The following SETBP1 variants were observed in gnomAD, a reference collection of about 807,000 sequenced individuals.
SETBP1 encodes SET binding protein 1, also known as SET-binding protein.
Under a neutral mutation model 101.0 loss-of-function variants are expected in SETBP1, and 9 were observed. That is an observed-to-expected ratio of 0.09 (90% confidence interval 0.05 to 0.16). The LOEUF (loss-of-function observed/expected upper bound fraction) is 0.16. SETBP1 is among the 10% of genes least tolerant of loss of function. SETBP1 has a pLI of 1.00. For missense variants in SETBP1, 1,858 were observed against 2,033.8 expected (o/e 0.91, Z 1.66); for synonymous variants, 818 against 788.5 (o/e 1.04, Z -0.63).
chr18:44,900,746 C>A (rs1242493353), intron 3 of SETBP1, among the ~76,000 whole-genome samples: 1 of 152,128 alleles, frequency 6.6e-6, no homozygotes, highest in Non-Finnish European at 1.5e-5. Context: ...AACCAGCCCT[C>A]CCGGTGATTC....
At chr18:44,837,403 A>T (rs1299616280) in intron 2 of SETBP1, among the ~76,000 whole-genome samples, 2 of 152,268 alleles carry the variant, frequency 1.3e-5, no homozygotes, top group Admixed American at 1.3e-4. Context: ...TCATTTATTT[A>T]AATACCTTTA....
rs370225566 is a variant in SETBP1 at position 44,865,617 on chromosome 18, C to T, written c.487-3613C>T. ...CATCCCTTGGTGTGTAATTTGTAGA[C>T]TTATGGGAAATAATCTGCTTTGAAA... On this transcript the variant is annotated intron_variant, in intron 2 of 5. Transcript: ENST00000649279. Among the ~76,000 whole-genome samples, 4 of 152,266 alleles carry T rather than the reference C, an allele frequency of 2.6e-5. No individual in the cohort carries two copies. In the South Asian group the frequency reaches 8.3e-4, roughly 32 times the overall value.
chr18:44,863,928 G>A (rs2069072226), intron 2 of SETBP1, among the ~76,000 whole-genome samples: 1 of 152,232 alleles, frequency 6.6e-6, no homozygotes, highest in African/African-American at 2.4e-5. Context: ...CTGGCCAGAT[G>A]TTCAGCATGA....
intron 2 of SETBP1, among the ~76,000 whole-genome samples, chr18:44,800,687 A>G (rs961299669): frequency 1.3e-5 from 2 of 152,152 alleles, no homozygotes; most frequent in Admixed American, 1.3e-4. Context: ...AGGAACTGGA[A>G]GATCCATGTA....
At chr18:44,932,098 T>G (rs1339388470) in intron 3 of SETBP1, among the ~76,000 whole-genome samples, 1 of 152,214 alleles carries the variant, frequency 6.6e-6, no homozygotes, top group Non-Finnish European at 1.5e-5. Flanking sequence ...TTTCCATGTT[T>G]AGTGCTTCCT....
At chr18:44,864,070 G>A (rs1229249341) in intron 2 of SETBP1, among the ~76,000 whole-genome samples, 1 of 152,166 alleles carries the variant, frequency 6.6e-6, no homozygotes, top group East Asian at 1.9e-4. Flanking sequence ...TAAAGGGCCA[G>A]CAGAGGGGAC....
At chr18:44,754,719 C>T (rs1305803944) in intron 2 of SETBP1, among the ~76,000 whole-genome samples, 1 of 152,228 alleles carries the variant, frequency 6.6e-6, no homozygotes, top group African/African-American at 2.4e-5. Context: ...TAGACTCTGT[C>T]ACCCACACCA....
At position 45,028,026 on chromosome 18, in the gene SETBP1, T is replaced by C. The variant is rs536289972; in HGVS notation, c.4001-10459T>C. On this transcript the variant is annotated intron_variant, in intron 4 of 5. Transcript: ENST00000649279. ...TTATTTTATTTTATTTTATTATTAT[T>C]ATACTTTAAGTTTTAGGGTACATGT... Among the ~76,000 whole-genome samples, 8 of 152,214 alleles carry C rather than the reference T, an allele frequency of 5.3e-5. No homozygotes were observed. In the South Asian group the frequency reaches 1.7e-3, roughly 32 times the overall value.
intron 5 of SETBP1, among the ~76,000 whole-genome samples, chr18:45,061,502 TCAG>T (rs2073890297): frequency 1.3e-5 from 2 of 152,332 alleles, no homozygotes; most frequent in South Asian, 4.1e-4. Flanking sequence ...TAAAGATCAT[TCAG>T]TAGTTATTCA....
chr18:44,900,084 A>T (rs2070006401), intron 3 of SETBP1, among the ~76,000 whole-genome samples: 1 of 152,180 alleles, frequency 6.6e-6, no homozygotes, highest in Non-Finnish European at 1.5e-5. Context: ...CAATTTGCCA[A>T]CCCCTGGACT....
intron 2 of SETBP1, among the ~76,000 whole-genome samples, chr18:44,776,224 C>T (rs1385971327): frequency 6.6e-6 from 1 of 152,070 alleles, no homozygotes; most frequent in Middle Eastern, 3.2e-3. Context: ...TATTTTCTTC[C>T]CCCCACCTTC....
intron 2 of SETBP1, among the ~76,000 whole-genome samples, chr18:44,705,732 A>G (rs1247825387): frequency 6.6e-6 from 1 of 152,222 alleles, no homozygotes; most frequent in African/African-American, 2.4e-5. Flanking sequence ...CTAGTTATAC[A>G]TGGTCCACTG....
At chr18:44,893,645 T>C (rs567356793) in intron 3 of SETBP1, among the ~76,000 whole-genome samples, 1 of 152,268 alleles carries the variant, frequency 6.6e-6, no homozygotes, top group African/African-American at 2.4e-5. Flanking sequence ...TTTGCTTTTA[T>C]ACAAACTGAG....
intron 2 of SETBP1, among the ~76,000 whole-genome samples, chr18:44,766,167 C>T (rs2070760007): frequency 6.6e-6 from 1 of 152,148 alleles, no homozygotes; most frequent in Admixed American, 6.5e-5. Flanking sequence ...GTAAAGGAGG[C>T]TTACTGTTCA....
chr18:44,804,173 C>T (rs2071676118), intron 2 of SETBP1, among the ~76,000 whole-genome samples: 1 of 152,010 alleles, frequency 6.6e-6, no homozygotes, highest in African/African-American at 2.4e-5. Flanking sequence ...ACAAGTTAAT[C>T]TCTTATGTCT....
intron 2 of SETBP1, among the ~76,000 whole-genome samples, chr18:44,816,716 T>G (rs1475415450): frequency 1.3e-5 from 2 of 152,166 alleles, no homozygotes; most frequent in Non-Finnish European, 2.9e-5. Context: ...AACACCGCAG[T>G]TCAACACCCC....
At chr18:44,854,152 C>A (rs1259661162) in intron 2 of SETBP1, among the ~76,000 whole-genome samples, 1 of 152,008 alleles carries the variant, frequency 6.6e-6, no homozygotes, top group African/African-American at 2.4e-5. Flanking sequence ...ATTGGCGTAT[C>A]CCCAGAATGC....
chr18:44,747,497 A>G (rs2070281604), intron 2 of SETBP1, among the ~76,000 whole-genome samples: 2 of 152,264 alleles, frequency 1.3e-5, no homozygotes, highest in Non-Finnish European at 1.5e-5. Flanking sequence ...CGAGAATGGC[A>G]GGGAGGAGCT....
intron 3 of SETBP1, among the ~76,000 whole-genome samples, chr18:44,904,380 C>G (rs1014436219): frequency 6.6e-6 from 1 of 152,092 alleles, no homozygotes; most frequent in African/African-American, 2.4e-5. Context: ...CATATGTCAC[C>G]TCTGTTCATT....
Sources: allele counts gnomAD v4.1 joint callset (sites outside exome capture counted in the v4.1 genomes callset), GRCh38; gene constraint gnomAD v4.1.1; transcripts MANE v1.5; gene names NCBI Gene and HGNC (gene_info 2026-07-23, HGNC 2026-07-21).